FRYL: variants seen among roughly 807,000 people sequenced by gnomAD.
FRYL encodes the protein protein furry homolog-like.
In FRYL, 150 loss-of-function variants were observed where a neutral mutation model predicts 351.2. The observed-to-expected ratio is 0.43, with a 90% confidence interval of 0.37 to 0.49. The LOEUF (loss-of-function observed/expected upper bound fraction) is 0.49, where lower values mean the gene tolerates loss of function less well. Among genes scored for constraint, FRYL ranks in the 20% least tolerant of loss-of-function variants. The probability of loss-of-function intolerance (pLI) is 0.00; values close to 1 mark genes in which losing one functional copy is unlikely to be tolerated. For synonymous variants in FRYL, 1,153 were observed against 1,257.1 expected (o/e 0.92, Z 1.75); for missense variants, 3,036 against 3,619.3 (o/e 0.84, Z 4.13).
chr4:48,692,101 A>G (rs909770457), intron 2 of FRYL, among the ~76,000 whole-genome samples: 2 of 152,206 alleles, frequency 1.3e-5, no homozygotes, highest in African/African-American at 4.8e-5. Flanking sequence ...AAGAAATAAG[A>G]AACAATTATT....
intron 1 of FRYL, among the ~76,000 whole-genome samples, chr4:48,779,820 G>C (rs1326274391): frequency 2.0e-5 from 3 of 150,828 alleles, no homozygotes; most frequent in African/African-American, 4.9e-5. Flanking sequence ...AACCGCCGGA[G>C]CTCGGGCGGG....
intron 56 of FRYL, 66 bp from the exon 57 acceptor site, chr4:48,512,754 T>C: frequency 9.0e-7 from 1 of 1,112,396 alleles, no homozygotes; most frequent in South Asian, 1.3e-5. Flanking sequence ...CTCAATCACG[T>C]AAGACAGCTT....
chr4:48,772,679 C>CAAAAAAAAAAAAAAAAAAAAAAAAAA, intron 1 of FRYL, among the ~76,000 whole-genome samples: 1 of 50,262 alleles, frequency 2.0e-5, no homozygotes, highest in Non-Finnish European at 3.8e-5. Context: ...AGAGACCTAC[C>CAAAAAAAAAAAAAAAAAAAAAAAAAA]AAAAAAAAAA....
At chr4:48,570,778 G>A (rs780894580) in intron 27 of FRYL, 49 bp downstream of exon 27, 21 of 1,332,646 alleles carry the variant, frequency 1.6e-5, no homozygotes, top group Non-Finnish European at 2.0e-5. Flanking sequence ...AAGAGATTAC[G>A]TTCTCTAGGA....
chr4:48,548,579 A>T (rs555931540), intron 40 of FRYL, 111 bp downstream of exon 40: 1 of 661,734 alleles, frequency 1.5e-6, no homozygotes, highest in African/African-American at 1.8e-5. Context: ...TCATGGAAAT[A>T]ACATAAAAAT....
chr4:48,567,140 G>T lies in FRYL; in HGVS notation c.3169+108C>A. ...CAGGTTATGCTGACATATTTTTCCAGTATGTTCATACGTTACTTTATCAAC... is the reference window on the plus strand; with the variant it reads ...CAGGTTATGCTGACATATTTTTCCATTATGTTCATACGTTACTTTATCAAC... On this transcript the variant is annotated intron_variant, in intron 28 of 63. Transcript: ENST00000358350. The surrounding 1 kb of genome is among the most constrained non-coding windows in gnomAD (Gnocchi z 4.2). The T allele has an allele frequency of 1.2e-6, 1 of 802,706 alleles. No homozygotes were observed. The highest frequency in any genetic ancestry group is 1.9e-6 in the Non-Finnish European group (1 of 538,800). The allele number at this position is 802,706 out of a possible 1,614,324, so 49.7% of individuals were successfully genotyped here. A position where few individuals can be genotyped will look rare whatever the true frequency, so the allele number is the denominator to read the frequency against.
intron 9 of FRYL, among the ~76,000 whole-genome samples, chr4:48,607,378 T>C (rs985301257): frequency 2.0e-5 from 3 of 152,136 alleles, no homozygotes; most frequent in Admixed American, 2.0e-4. Context: ...TATGGATACA[T>C]GACTGAAATA....
At chr4:48,680,016 G>A (rs974782328) in intron 3 of FRYL, among the ~76,000 whole-genome samples, 2 of 151,884 alleles carry the variant, frequency 1.3e-5, no homozygotes, top group Admixed American at 6.6e-5. Flanking sequence ...AATGAGACAG[G>A]AAGATGTCTA....
At position 48,771,891 on chromosome 4, in the gene FRYL, G is replaced by A. The variant is rs138522990; in HGVS notation, c.-384+8187C>T. On this transcript the variant is annotated intron_variant, in intron 1 of 63. Transcript: ENST00000358350. Reference sequence around the variant, plus strand: ...ACTACTATGGGCAGGCATAATGAGAGCAAACAAAGAGATAACAGTTAACAA... The same window carrying A: ...ACTACTATGGGCAGGCATAATGAGAACAAACAAAGAGATAACAGTTAACAA... Among the ~76,000 whole-genome samples, 170 of 152,244 alleles carry A rather than the reference G, an allele frequency of 1.1e-3. 1 individual carries two copies. The South Asian group carries it at 0.017, about 15-fold the overall frequency.
At chr4:48,736,430 T>C (rs1771408786) in intron 1 of FRYL, among the ~76,000 whole-genome samples, 2 of 151,854 alleles carry the variant, frequency 1.3e-5, no homozygotes, top group Non-Finnish European at 2.9e-5. Flanking sequence ...AGAAGATCAA[T>C]AAAATTGATA....
intron 3 of FRYL, among the ~76,000 whole-genome samples, chr4:48,634,939 T>C (rs903720331): frequency 1.7e-4 from 26 of 151,996 alleles, no homozygotes; most frequent in Admixed American, 9.8e-4. Flanking sequence ...CTTTGGAAAA[T>C]ATGCTCAGTG....
At chr4:48,556,657 AT>A (rs1431488396) in intron 35 of FRYL, among the ~76,000 whole-genome samples, 4 of 152,084 alleles carry the variant, frequency 2.6e-5, no homozygotes, top group Non-Finnish European at 4.4e-5. Flanking sequence ...GAACTCTGCA[AT>A]TTTTTTATAG....
At chr4:48,627,485 A>T (rs1311113234) in intron 4 of FRYL, among the ~76,000 whole-genome samples, 1 of 152,154 alleles carries the variant, frequency 6.6e-6, no homozygotes, top group African/African-American at 2.4e-5. Context: ...TTTCATAACA[A>T]ATCCATACTT....
At chr4:48,572,564 C>T (rs916761458) in intron 26 of FRYL, among the ~76,000 whole-genome samples, 2 of 152,154 alleles carry the variant, frequency 1.3e-5, no homozygotes, top group African/African-American at 4.8e-5. Context: ...ATCTATAATG[C>T]CTTCCTTACC....
At chr4:48,553,416 A>T in intron 35 of FRYL, 33 bp from the exon 36 acceptor site, 4 of 1,547,548 alleles carry the variant, frequency 2.6e-6, no homozygotes, top group Non-Finnish European at 3.5e-6. Context: ...GAAAAGAAAA[A>T]GCAAAGTTTT....
rs530534630 is a variant in FRYL at position 48,522,905 on chromosome 4, T to C, written c.7517A>G (p.Gln2506Arg). 6.2e-7 allele frequency: 1 copy of C among 1,611,098 alleles called. No homozygotes were observed. Among genetic ancestry groups the C allele is most frequent in the African/African-American group, 1.3e-5 (1 of 75,004 alleles). ...LTASQILSRT[Q>R]MLNSDSATDE... ...TAAGAAAAGTGAATTGTATACCATC[T>C]GTGTGCGTGAGAGTATCTGGCTTGC... Residue 2506 changes from glutamine (Q) to arginine (R), a missense_variant, in exon 54 of 64, where the codon CAG becomes CGG. Gln to Arg is a conservative substitution (Grantham distance 43, BLOSUM62 1). Around this residue, in one of 7 missense-constraint regions of FRYL, gnomAD observed 1,987 missense variants for 2,311.7 expected, o/e 0.86. Transcript: ENST00000358350.
intron 3 of FRYL, among the ~76,000 whole-genome samples, chr4:48,658,584 CAAAAAAAAAAA>C (rs11388062): frequency 1.0e-5 from 1 of 95,894 alleles, no homozygotes; most frequent in Non-Finnish European, 2.0e-5. Flanking sequence ...CAAAAAAATA[CAAAAAAAAAAA>C]AAAAAAAAAA....
At chr4:48,537,096 A>T (rs574463958) in intron 47 of FRYL, among the ~76,000 whole-genome samples, 1 of 152,312 alleles carries the variant, frequency 6.6e-6, no homozygotes, top group South Asian at 2.1e-4. Flanking sequence ...AAATATAATA[A>T]TTTAACATAT....
At chr4:48,765,158 A>G (rs1774819944) in intron 1 of FRYL, among the ~76,000 whole-genome samples, 1 of 152,154 alleles carries the variant, frequency 6.6e-6, no homozygotes, top group South Asian at 2.1e-4. Flanking sequence ...AAAGATTTCT[A>G]AAATTCATAT....
Sources: gnomAD v4.1 joint callset for allele counts (sites outside exome capture counted in the v4.1 genomes callset) on GRCh38, gnomAD v4.1.1 for gene constraint, gnomAD v4.1.1 regional missense constraint, Gnocchi (gnomAD v3.1) non-coding constraint, MANE v1.5 for transcripts, NCBI Gene and HGNC (gene_info 2026-07-23, HGNC 2026-07-21) for gene names.